SGCG: variants seen among roughly 807,000 people sequenced by gnomAD.
The protein encoded by SGCG is sarcoglycan gamma.
A neutral mutation model predicts 29.3 loss-of-function variants in SGCG; 26 were observed. That is an observed-to-expected ratio of 0.89 (90% CI 0.65 to 1.23). The LOEUF (loss-of-function observed/expected upper bound fraction) is 1.23, where lower values mean the gene tolerates loss of function less well. SGCG is among the 50% of genes most tolerant of loss of function. The pLI is 0.00. For synonymous variants in SGCG, 145 were observed against 129.7 expected (o/e 1.12, Z -0.80); for missense variants, 353 against 356.0 (o/e 0.99, Z 0.07).
intron 2 of SGCG, among the ~76,000 whole-genome samples, chr13:23,218,681 A>C (rs554952670): frequency 6.6e-6 from 1 of 151,988 alleles, no homozygotes; most frequent in Non-Finnish European, 1.5e-5. Context: ...TTGAACAGAG[A>C]TTGGACATGC....
intron 4 of SGCG, among the ~76,000 whole-genome samples, chr13:23,263,502 C>T (rs1880525115): frequency 1.3e-5 from 2 of 151,748 alleles, no homozygotes; most frequent in Admixed American, 6.6e-5. Flanking sequence ...CTGCTGAAAA[C>T]AACAAAAAAG....
At chr13:23,177,728 T>G (rs1300992588), upstream of SGCG, among the ~76,000 whole-genome samples, 1 of 106,684 alleles carries the variant, frequency 9.4e-6, no homozygotes, top group South Asian at 3.7e-4. Context: ...TCTGCCACCA[T>G]GTCCGGCTAT....
chr13:23,233,810 C>T (rs749047992), intron 2 of SGCG, among the ~76,000 whole-genome samples: 11 of 152,066 alleles, frequency 7.2e-5, no homozygotes, highest in Non-Finnish European at 1.2e-4. Flanking sequence ...TTGAGGGAGC[C>T]GGTAGTCAAG....
intron 3 of SGCG, among the ~76,000 whole-genome samples, chr13:23,248,427 C>T (rs954104665): frequency 4.6e-5 from 7 of 152,026 alleles, no homozygotes; most frequent in Non-Finnish European, 2.9e-5. Flanking sequence ...TCTGGCCAGG[C>T]GCGGTGGCTC....
At chr13:23,276,082 C>T (rs1881056363) in intron 4 of SGCG, among the ~76,000 whole-genome samples, 2 of 152,024 alleles carry the variant, frequency 1.3e-5, no homozygotes, top group South Asian at 2.1e-4. Context: ...GTACAGATAG[C>T]TCTTTTCTTA....
intron 4 of SGCG, 93 bp downstream of exon 4, chr13:23,250,810 C>T: frequency 1.3e-6 from 1 of 795,424 alleles, no homozygotes; most frequent in Non-Finnish European, 2.2e-6. Context: ...GAAATCAAAG[C>T]TACTTATGAA....
chr13:23,234,330 A>G (rs9510644), intron 2 of SGCG, among the ~76,000 whole-genome samples: 7 of 151,172 alleles, frequency 4.6e-5, no homozygotes, highest in Non-Finnish European at 5.9e-5. Flanking sequence ...ATTTTTTTTA[A>G]AAAAATGGAT....
intron 2 of SGCG, among the ~76,000 whole-genome samples, chr13:23,234,305 T>C (rs1314561315): frequency 1.3e-5 from 2 of 152,152 alleles, no homozygotes; most frequent in Non-Finnish European, 2.9e-5. Flanking sequence ...ATTAATTTTA[T>C]TGTACCTTAA....
chr13:23,309,532 G>C (rs1882482259), intron 6 of SGCG, among the ~76,000 whole-genome samples: 1 of 152,054 alleles, frequency 6.6e-6, no homozygotes, highest in African/African-American at 2.4e-5. Flanking sequence ...TTGTTACTTT[G>C]GCTGGGACAA....
intron 6 of SGCG, among the ~76,000 whole-genome samples, chr13:23,313,167 TTC>T (rs1349718436): frequency 1.1e-4 from 9 of 85,300 alleles, no homozygotes; most frequent in East Asian, 3.7e-4. Flanking sequence ...TTTCTTCTTC[TTC>T]TTTTTTTTTT....
chr13:23,236,832 AT>A (rs561176845), intron 3 of SGCG, among the ~76,000 whole-genome samples: 1 of 151,118 alleles, frequency 6.6e-6, no homozygotes, highest in Non-Finnish European at 1.5e-5. Context: ...GAGTATGTCA[AT>A]CAACACATAA....
intron 2 of SGCG, among the ~76,000 whole-genome samples, chr13:23,213,132 G>T (rs1878294394): frequency 6.6e-6 from 1 of 152,108 alleles, no homozygotes; most frequent in South Asian, 2.1e-4. Flanking sequence ...CTTTGCAGTG[G>T]TTTCACTGGC....
chr13:23,194,815 A>G (rs1877422706), intron 1 of SGCG, among the ~76,000 whole-genome samples: 1 of 152,180 alleles, frequency 6.6e-6, no homozygotes, highest in South Asian at 2.1e-4. Flanking sequence ...TGTTCTAGGG[A>G]CAGACAAGAA....
At chr13:23,274,217 T>C (rs1214028697) in intron 4 of SGCG, among the ~76,000 whole-genome samples, 1 of 152,128 alleles carries the variant, frequency 6.6e-6, no homozygotes, top group African/African-American at 2.4e-5. Flanking sequence ...GTCCATTCCT[T>C]AAGTGGCTTC....
At chr13:23,205,662 A>T (rs535467907) in intron 2 of SGCG, among the ~76,000 whole-genome samples, 14 of 152,112 alleles carry the variant, frequency 9.2e-5, no homozygotes, top group Non-Finnish European at 1.9e-4. Flanking sequence ...GATTAAATTA[A>T]GTTGTGCCAG....
chr13:23,310,142 A>C (rs1882518246), intron 6 of SGCG, among the ~76,000 whole-genome samples: 1 of 124,776 alleles, frequency 8.0e-6, no homozygotes, highest in Admixed American at 1.1e-4. Flanking sequence ...GCTGGAGTGC[A>C]GTGACACGAT....
chr13:23,276,431 C>CTTTTTTTTTTTTTTT (rs71100165), intron 4 of SGCG, among the ~76,000 whole-genome samples: 6 of 102,338 alleles, frequency 5.9e-5, no homozygotes, highest in Non-Finnish European at 9.4e-5. Flanking sequence ...TTTTAGTTTT[C>CTTTTTTTTTTTTTTT]TTTTTTTTTT....
At chr13:23,266,337 A>G (rs1440611960) in intron 4 of SGCG, among the ~76,000 whole-genome samples, 1 of 152,106 alleles carries the variant, frequency 6.6e-6, no homozygotes, top group Non-Finnish European at 1.5e-5. Flanking sequence ...GTGTGGATAT[A>G]TACACCATGG....
At chr13:23,322,777 C>CA (rs1883096235) in intron 7 of SGCG, among the ~76,000 whole-genome samples, 4 of 98,754 alleles carry the variant, frequency 4.1e-5, no homozygotes, top group Admixed American at 9.0e-5. Context: ...CACCTCCCCC[C>CA]CCCCCCCCCC....
Sources: allele counts gnomAD v4.1 joint callset (sites outside exome capture counted in the v4.1 genomes callset), GRCh38; gene constraint gnomAD v4.1.1; transcripts MANE v1.5; gene names NCBI Gene and HGNC (gene_info 2026-07-23, HGNC 2026-07-21).